Variants in CSGALNACT1 observed in about 807,000 individuals in gnomAD.
CSGALNACT1 encodes the protein beta4GalNAcT-1.
A neutral mutation model predicts 51.0 loss-of-function variants in CSGALNACT1; 52 were observed. The ratio of observed to expected loss-of-function variants is 1.02; its 90% CI spans 0.82 to 1.29. CSGALNACT1 has a LOEUF of 1.29. CSGALNACT1 is among the 50% of genes most tolerant of loss of function. The pLI is 0.00. For synonymous variants in CSGALNACT1, 341 were observed against 254.4 expected, an observed-to-expected ratio of 1.34 and a Z score of -3.24; for missense variants, 935 against 679.2, an observed-to-expected ratio of 1.38 and a Z score of -4.19.
chr8:19,499,116 AAAAC>A (rs753065154), intron 4 of CSGALNACT1, among the ~76,000 whole-genome samples: 53 of 152,318 alleles, frequency 3.5e-4, no homozygotes, highest in Non-Finnish European at 2.9e-4. Flanking sequence ...CCCTGTCTCA[AAAAC>A]AAACAAACAA....
chr8:19,538,191 T>C lies in CSGALNACT1; in HGVS notation c.-296-32061A>G, dbSNP rs139672872. Among the ~76,000 whole-genome samples, 334 of 152,128 alleles carry C rather than the reference T, an allele frequency of 2.2e-3. 3 individuals carry two copies. The East Asian group carries it at 0.025, about 11-fold the overall frequency. On this transcript the variant is annotated intron_variant, in intron 3 of 9. Coordinates refer to ENST00000454498, the Ensembl canonical transcript of CSGALNACT1. ...AGAGAAAATAAAAGTGAGCCAGGCATGGTGGCATGTGCCTGTAGTCCCCTA... is the reference window on the plus strand; with the variant it reads ...AGAGAAAATAAAAGTGAGCCAGGCACGGTGGCATGTGCCTGTAGTCCCCTA...
At chr8:19,529,715 C>T (rs1375864495) in intron 3 of CSGALNACT1, among the ~76,000 whole-genome samples, 2 of 152,018 alleles carry the variant, frequency 1.3e-5, no homozygotes, top group Non-Finnish European at 2.9e-5. Context: ...GGACAGATTC[C>T]AGGACTCCTC....
chr8:19,444,307 G>C (rs1296122017), intron 5 of CSGALNACT1, among the ~76,000 whole-genome samples: 2 of 152,122 alleles, frequency 1.3e-5, no homozygotes, highest in Non-Finnish European at 2.9e-5. Flanking sequence ...AGGGAATAAT[G>C]ACAAGGAAAA....
rs574363832 is a variant in CSGALNACT1, at chr8:19,530,674, C to T, written c.-296-24544G>A. Among the ~76,000 whole-genome samples, 23 of 152,072 alleles carry T rather than the reference C, an allele frequency of 1.5e-4. No individual in the cohort carries two copies. The South Asian group carries it at 2.3e-3, about 15-fold the overall frequency. ...TGAACCCAAGAGATCGGGGCTATAG[C>T]GAGCTATGATTGTGCCACTGCCCTT... On this transcript the variant is annotated intron_variant, in intron 3 of 9. Coordinates refer to ENST00000454498, the Ensembl canonical transcript of CSGALNACT1.
intron 5 of CSGALNACT1, among the ~76,000 whole-genome samples, chr8:19,456,683 C>A (rs2064173328): frequency 6.6e-6 from 1 of 152,120 alleles, no homozygotes; most frequent in African/African-American, 2.4e-5. Flanking sequence ...AGGAACACTG[C>A]AAACAATTAT....
At chr8:19,542,577 A>G (rs531332241) in intron 3 of CSGALNACT1, among the ~76,000 whole-genome samples, 5 of 152,260 alleles carry the variant, frequency 3.3e-5, no homozygotes, top group Non-Finnish European at 7.4e-5. Context: ...GGAGTTACCA[A>G]AACAAGAGAT....
intron 4 of CSGALNACT1, among the ~76,000 whole-genome samples, chr8:19,481,692 C>T (rs1394043193): frequency 6.6e-6 from 1 of 152,138 alleles, no homozygotes; most frequent in Admixed American, 6.5e-5. Flanking sequence ...CTCAATGCCT[C>T]CCTCTCTGGC....
chr8:19,428,829 G>A (rs1321725646), intron 6 of CSGALNACT1, among the ~76,000 whole-genome samples: 2,084 of 19,414 alleles, frequency 0.11, 55 homozygotes, highest in East Asian at 0.5. Flanking sequence ...CATGATATGT[G>A]TGTGTGTGTG....
intron 1 of CSGALNACT1, among the ~76,000 whole-genome samples, chr8:19,725,947 C>T (rs1044902966): frequency 6.6e-6 from 1 of 152,150 alleles, no homozygotes; most frequent in Non-Finnish European, 1.5e-5. Flanking sequence ...CGGTATTGTA[C>T]ATTCTATGGG....
At chr8:19,563,951 C>T (rs2041363765) in intron 3 of CSGALNACT1, among the ~76,000 whole-genome samples, 1 of 152,012 alleles carries the variant, frequency 6.6e-6, no homozygotes, top group Non-Finnish European at 1.5e-5. Flanking sequence ...CACGCTGCGG[C>T]TGTTTCTGAA....
chr8:19,546,839 T>C (rs912406168), intron 3 of CSGALNACT1, among the ~76,000 whole-genome samples: 2 of 152,240 alleles, frequency 1.3e-5, no homozygotes, highest in African/African-American at 2.4e-5. Context: ...GCTCAGATCC[T>C]GCCACCACAA....
chr8:19,478,567 C>G (rs986437311), intron 4 of CSGALNACT1, among the ~76,000 whole-genome samples: 6 of 152,092 alleles, frequency 3.9e-5, no homozygotes, highest in South Asian at 4.1e-4. Context: ...AGTATGATTT[C>G]AATGATTCCA....
intron 1 of CSGALNACT1, among the ~76,000 whole-genome samples, chr8:19,676,133 G>T (rs891394125): frequency 1.1e-4 from 14 of 131,934 alleles, no homozygotes; most frequent in African/African-American, 3.9e-4. Context: ...AAAGGAACCA[G>T]AGTTTACACA....
intron 5 of CSGALNACT1, among the ~76,000 whole-genome samples, chr8:19,442,233 G>A (rs1446368840): frequency 1.3e-5 from 2 of 152,098 alleles, no homozygotes; most frequent in Non-Finnish European, 2.9e-5. Context: ...ATACCCAAAG[G>A]ACTATAAATC....
intron 1 of CSGALNACT1, among the ~76,000 whole-genome samples, chr8:19,689,306 G>A (rs2061157053): frequency 1.3e-5 from 2 of 152,180 alleles, no homozygotes; most frequent in Admixed American, 6.5e-5. Flanking sequence ...ACATGAAGAG[G>A]GCCATTTGGA....
intron 1 of CSGALNACT1, among the ~76,000 whole-genome samples, chr8:19,745,556 G>A (rs1407799680): frequency 2.0e-5 from 3 of 152,222 alleles, no homozygotes; most frequent in Non-Finnish European, 4.4e-5. Flanking sequence ...TAATTCACTA[G>A]CTGGATGTGC....
At chr8:19,414,815 T>C (rs2056555988) in intron 8 of CSGALNACT1, among the ~76,000 whole-genome samples, 1 of 152,226 alleles carries the variant, frequency 6.6e-6, no homozygotes. Context: ...TCACCTTTGA[T>C]ACTGATGTAT....
intron 3 of CSGALNACT1, among the ~76,000 whole-genome samples, chr8:19,548,630 G>C (rs2087091266): frequency 6.6e-6 from 1 of 152,002 alleles, no homozygotes; most frequent in African/African-American, 2.4e-5. Context: ...TATATACATG[G>C]ATTTATTTTA....
At chr8:19,663,490 G>T (rs950303041) in intron 1 of CSGALNACT1, among the ~76,000 whole-genome samples, 1 of 151,946 alleles carries the variant, frequency 6.6e-6, no homozygotes, top group African/African-American at 2.4e-5. Flanking sequence ...CCCCTAGCAC[G>T]AGAGGTTCCT....
Sources: allele counts gnomAD v4.1 joint callset (sites outside exome capture counted in the v4.1 genomes callset), GRCh38; gene constraint gnomAD v4.1.1; transcripts MANE v1.5; gene names NCBI Gene and HGNC (gene_info 2026-07-23, HGNC 2026-07-21).